The following NHSL1 variants were observed in gnomAD, a reference collection of about 807,000 sequenced individuals.
NHSL1 encodes NHS like 1.
NHSL1 carries 48 observed loss-of-function variants against 95.0 expected under a neutral mutation model. The observed-to-expected ratio is 0.51, with a 90% CI of 0.40 to 0.64. The LOEUF is 0.64. Among genes scored for constraint, NHSL1 ranks in the 30% least tolerant of loss-of-function variants. The pLI is 0.00. For missense variants in NHSL1, 1,971 were observed against 2,077.7 expected (o/e 0.95, Z 1.00); for synonymous variants, 783 against 833.9 (o/e 0.94, Z 1.05).
chr6:138,654,987 A>G (rs991422482), intron 1 of NHSL1, among the ~76,000 whole-genome samples: 9 of 152,222 alleles, frequency 5.9e-5, no homozygotes, highest in African/African-American at 1.4e-4. Context: ...ATTTATTTCC[A>G]TACTGGTGGA....
intron 1 of NHSL1, among the ~76,000 whole-genome samples, chr6:138,560,727 A>G (rs1202758104): frequency 1.3e-5 from 2 of 152,172 alleles, no homozygotes; most frequent in African/African-American, 4.8e-5. Flanking sequence ...TCTGCTTTGT[A>G]AAAGAATCCC....
chr6:138,531,139 G>C (rs1212262760), intron 1 of NHSL1, among the ~76,000 whole-genome samples: 4 of 152,126 alleles, frequency 2.6e-5, no homozygotes, highest in Admixed American at 2.6e-4. Flanking sequence ...AATAAAATTT[G>C]TGGCTTACAG....
At chr6:138,511,942 G>T (rs1479810553) in intron 1 of NHSL1, among the ~76,000 whole-genome samples, 2 of 152,086 alleles carry the variant, frequency 1.3e-5, no homozygotes, top group Admixed American at 6.6e-5. Context: ...AAATAAACAG[G>T]GTCTTCCAAT....
At chr6:138,515,905 CTGAG>C (rs1325467015) in intron 1 of NHSL1, among the ~76,000 whole-genome samples, 15 of 152,214 alleles carry the variant, frequency 9.9e-5, no homozygotes, top group Admixed American at 9.8e-4. Flanking sequence ...GTTGGGAATA[CTGAG>C]TGTGTGTGTC....
At chr6:138,428,912 C>T (rs1318635447) in intron 7 of NHSL1, among the ~76,000 whole-genome samples, 1 of 152,226 alleles carries the variant, frequency 6.6e-6, no homozygotes, top group Non-Finnish European at 1.5e-5. Flanking sequence ...AAGGTTTATA[C>T]AGCATTACGG....
chr6:138,501,796 T>C (rs1780695169), upstream of NHSL1, among the ~76,000 whole-genome samples: 1 of 152,226 alleles, frequency 6.6e-6, no homozygotes, highest in South Asian at 2.1e-4. Flanking sequence ...CAGTCCCTGA[T>C]ATAAAATACT....
At chr6:138,666,202 C>T (rs1018854171) in intron 1 of NHSL1, among the ~76,000 whole-genome samples, 3 of 152,176 alleles carry the variant, frequency 2.0e-5, no homozygotes, top group South Asian at 2.1e-4. Flanking sequence ...ATTCGGGAGG[C>T]TGAGGCAGGA....
rs59028248 is a variant in NHSL1, at chr6:138,522,029, A to C, written c.16+23594T>G. ...CTGTTTCAGCTCCCTAGAATATGCT[A>C]GTAAGTACGGCAAAGTCAGAAAAGT... On this transcript the variant is annotated intron_variant, in intron 1 of 4. Transcript: ENST00000342260. Among the ~76,000 whole-genome samples, 443 of 152,322 alleles carry C rather than the reference A, an allele frequency of 2.9e-3. 1 individual carries two copies. The highest frequency in any genetic ancestry group is 0.01 in the African/African-American group (426 of 41,576).
At chr6:138,630,851 A>G (rs1162140768) in intron 1 of NHSL1, among the ~76,000 whole-genome samples, 1 of 152,240 alleles carries the variant, frequency 6.6e-6, no homozygotes, top group Non-Finnish European at 1.5e-5. Context: ...ATCGTCCTGC[A>G]AAAACACCAA....
intron 1 of NHSL1, among the ~76,000 whole-genome samples, chr6:138,541,261 G>A (rs561600642): frequency 4.6e-5 from 7 of 152,074 alleles, no homozygotes; most frequent in East Asian, 1.9e-4. Context: ...CAGCTACTCC[G>A]GAGGCTCAGG....
upstream of NHSL1, among the ~76,000 whole-genome samples, chr6:138,500,572 A>G (rs558597312): frequency 1.3e-5 from 2 of 152,378 alleles, no homozygotes; most frequent in South Asian, 4.1e-4. Context: ...TTATAACTCA[A>G]TGGAAAAATG....
rs112354521 is a variant in NHSL1, at chr6:138,487,290, G to T, written c.211+8929C>A. Among the ~76,000 whole-genome samples the T allele has an allele frequency of 6.1e-4, 93 of 152,238 alleles. 3 individuals carry two copies. Among genetic ancestry groups the T allele is most frequent in the African/African-American group, 2.1e-3 (86 of 41,526 alleles). Reference sequence around the variant, plus strand: ...GGTAAAGAATTTTTAACTAGGGCAGGCTGACCAAGTTCGTTTTAAAGATAA... The same window carrying T: ...GGTAAAGAATTTTTAACTAGGGCAGTCTGACCAAGTTCGTTTTAAAGATAA... On this transcript the variant is annotated intron_variant, in intron 2 of 7. Transcript: ENST00000343505.
At chr6:138,648,150 T>TCCAGA (rs983238122) in intron 1 of NHSL1, among the ~76,000 whole-genome samples, 2 of 152,168 alleles carry the variant, frequency 1.3e-5, no homozygotes, top group African/African-American at 4.8e-5. Context: ...ATTTTACTTT[T>TCCAGA]CCAGACCGTA....
At chr6:138,518,061 G>A (rs1781527945) in intron 1 of NHSL1, among the ~76,000 whole-genome samples, 1 of 152,174 alleles carries the variant, frequency 6.6e-6, no homozygotes, top group Non-Finnish European at 1.5e-5. Flanking sequence ...GGACAGGACT[G>A]GAGTGAGAAA....
At chr6:138,592,648 C>A (rs1021548177) in intron 1 of NHSL1, among the ~76,000 whole-genome samples, 25 of 149,764 alleles carry the variant, frequency 1.7e-4, no homozygotes, top group Admixed American at 6.0e-4. Context: ...ACAAAAAAAA[C>A]CCCTACATAT....
chr6:138,642,090 A>G (rs1317181967), intron 1 of NHSL1, among the ~76,000 whole-genome samples: 1 of 152,162 alleles, frequency 6.6e-6, no homozygotes, highest in East Asian at 1.9e-4. Context: ...ATGCAAAAAA[A>G]ATCAATTTTT....
intron 4 of NHSL1, 107 bp from the exon 5 acceptor site, chr6:138,442,221 A>C: frequency 8.7e-7 from 1 of 1,151,110 alleles, no homozygotes; most frequent in Non-Finnish European, 1.2e-6. Context: ...GGTATTAATA[A>C]TGTTAGCCAG....
At chr6:138,437,735 T>A (rs919076512) in intron 5 of NHSL1, among the ~76,000 whole-genome samples, 1 of 152,140 alleles carries the variant, frequency 6.6e-6, no homozygotes, top group Admixed American at 6.5e-5. Flanking sequence ...AATATCAACA[T>A]TAGTAAGAGT....
chr6:138,667,405 A>C (rs1364428905), intron 1 of NHSL1, among the ~76,000 whole-genome samples: 1 of 152,238 alleles, frequency 6.6e-6, no homozygotes, highest in Non-Finnish European at 1.5e-5. Context: ...ATTTTTATAC[A>C]TGATACCATA....
Sources: allele counts gnomAD v4.1 joint callset (sites outside exome capture counted in the v4.1 genomes callset), GRCh38; gene constraint gnomAD v4.1.1; transcripts MANE v1.5; gene names NCBI Gene and HGNC (gene_info 2026-07-23, HGNC 2026-07-21).